Variants in CCDC171 observed in about 807,000 individuals in gnomAD.
The protein encoded by CCDC171 is coiled-coil domain-containing protein 171.
In CCDC171, 177 loss-of-function variants were observed where a neutral mutation model predicts 168.2. The ratio of observed to expected loss-of-function variants is 1.05; its 90% confidence interval spans 0.93 to 1.19. The LOEUF (loss-of-function observed/expected upper bound fraction) is 1.19, where lower values mean the gene tolerates loss of function less well. Among genes scored for constraint, CCDC171 ranks in the 50% most tolerant of loss-of-function variants. CCDC171 has a pLI of 0.00. For missense variants in CCDC171, 1,991 were observed against 1,539.0 expected (o/e 1.29, Z -4.91); for synonymous variants, 687 against 540.8 (o/e 1.27, Z -3.75).
intron 11 of CCDC171, 74 bp from the exon 12 acceptor site, chr9:15,721,695 C>G (rs1391576041): frequency 3.0e-6 from 2 of 664,638 alleles, no homozygotes; most frequent in Non-Finnish European, 4.9e-6. Context: ...ATTGTAGTAT[C>G]TCTGTTACTA....
rs1831528820 is a variant in CCDC171 at position 15,973,574 on chromosome 9, A to T, written c.*1738A>T. ...TATATGGAGTAAAATTATATCTTTAACCAAATTTCTCTTAATTCTTTCCTT... is the reference window on the plus strand; with the variant it reads ...TATATGGAGTAAAATTATATCTTTATCCAAATTTCTCTTAATTCTTTCCTT... On this transcript the variant is annotated 3_prime_UTR_variant, in exon 26 of 26. Transcript: ENST00000380701. 1 of 152,104 alleles carries T rather than the reference A, an allele frequency of 6.6e-6. No individual in the cohort carries two copies. Among genetic ancestry groups the T allele is most frequent in the South Asian group, 2.1e-4 (1 of 4,832 alleles). 9.4% of individuals were successfully genotyped at this position (152,104 alleles called of 1,614,324 possible).
chr9:15,899,875 G>GT (rs1821392953), intron 24 of CCDC171, among the ~76,000 whole-genome samples: 1 of 151,588 alleles, frequency 6.6e-6, no homozygotes, highest in Non-Finnish European at 1.5e-5. Flanking sequence ...TCAGTTTATT[G>GT]TTTTTTTCTT....
At chr9:15,921,828 C>G (rs534333428) in intron 25 of CCDC171, among the ~76,000 whole-genome samples, 6 of 151,426 alleles carry the variant, frequency 4.0e-5, no homozygotes, top group Admixed American at 2.0e-4. Context: ...TTTCTTCTTG[C>G]TATCTCTGAT....
intron 24 of CCDC171, among the ~76,000 whole-genome samples, chr9:15,912,004 T>C (rs1472690174): frequency 6.6e-6 from 1 of 152,230 alleles, no homozygotes; most frequent in Admixed American, 6.5e-5. Context: ...TTTGTTCTTT[T>C]TGCTTCAGAT....
chr9:15,906,559 C>G (rs1822646760), intron 24 of CCDC171, among the ~76,000 whole-genome samples: 2 of 152,258 alleles, frequency 1.3e-5, no homozygotes, highest in East Asian at 3.9e-4. Context: ...AACCCACAGC[C>G]AATATCATAC....
chr9:16,083,752 T>C, the CCDC171 span, among the ~76,000 whole-genome samples: 1 of 152,184 alleles, frequency 6.6e-6, no homozygotes, highest in Admixed American at 6.5e-5. Flanking sequence ...GCTCCCCTAA[T>C]GGAAGAGTTG....
chr9:15,571,221 G>C (rs950914931), intron 2 of CCDC171, among the ~76,000 whole-genome samples: 3 of 152,084 alleles, frequency 2.0e-5, no homozygotes, highest in Admixed American at 2.0e-4. Flanking sequence ...TTTTGGGAGA[G>C]AGTAGGGTGC....
At chr9:15,589,084 T>C (rs1179705662) in intron 4 of CCDC171, among the ~76,000 whole-genome samples, 1 of 152,118 alleles carries the variant, frequency 6.6e-6, no homozygotes, top group Admixed American at 6.5e-5. Flanking sequence ...CATGTGTTAC[T>C]ACTAGAATGT....
the CCDC171 span, among the ~76,000 whole-genome samples, chr9:16,092,997 G>C: frequency 6.6e-6 from 1 of 152,162 alleles, no homozygotes; most frequent in Non-Finnish European, 1.5e-5. Context: ...GGGCCCCTCT[G>C]GGGGACATGA....
chr9:15,813,469 A>G (rs779040818), intron 21 of CCDC171, among the ~76,000 whole-genome samples: 4 of 152,154 alleles, frequency 2.6e-5, no homozygotes, highest in African/African-American at 4.8e-5. Context: ...TTTTTTGGCT[A>G]TAGCATCTAA....
At chr9:16,043,172 A>G (rs4741560) in intron 1 of CCDC171, among the ~76,000 whole-genome samples, 62,241 of 152,028 alleles carry the variant, frequency 0.41, 14,264 homozygotes, top group East Asian at 0.74. Context: ...GGTTCTATAT[A>G]ATTGTTCACT....
intron 9 of CCDC171, among the ~76,000 whole-genome samples, chr9:15,677,270 A>G (rs879515302): frequency 1.8e-4 from 28 of 152,138 alleles, no homozygotes; most frequent in Admixed American, 1.2e-3. Flanking sequence ...ATTTACATAA[A>G]TGTAGCATCC....
chr9:16,042,987 CCTT>C (rs1158196152), intron 1 of CCDC171: 2 of 152,096 alleles, frequency 1.3e-5, no homozygotes, highest in Middle Eastern at 3.2e-3. Context: ...TTTAAAATCT[CCTT>C]CTAAAATATT....
intron 7 of CCDC171, among the ~76,000 whole-genome samples, chr9:15,631,589 G>A (rs1330331436): frequency 6.6e-6 from 1 of 152,150 alleles, no homozygotes; most frequent in Non-Finnish European, 1.5e-5. Flanking sequence ...TCTATCAGAG[G>A]TACAAGGAGG....
chr9:15,788,336 A>C (rs1433709746), intron 21 of CCDC171, among the ~76,000 whole-genome samples: 3 of 152,212 alleles, frequency 2.0e-5, no homozygotes, highest in Non-Finnish European at 4.4e-5. Flanking sequence ...ATTCTATTTG[A>C]AAAGCAAGTG....
chr9:15,971,912 T>A lies in CCDC171; in HGVS notation c.*76T>A. 2 of 1,290,148 alleles carry A rather than the reference T, an allele frequency of 1.6e-6. No individual in the cohort carries two copies. The highest frequency in any genetic ancestry group is 2.6e-5 in the South Asian group (2 of 78,186). The allele number at this position is 1,290,148 out of a possible 1,614,324, so 79.9% of individuals were successfully genotyped here. A position where few individuals can be genotyped will look rare whatever the true frequency, so the allele number is the denominator to read the frequency against. On this transcript the variant is annotated 3_prime_UTR_variant, in exon 26 of 26. Transcript: ENST00000380701. ...TTTTGAATGGGAATTTTCTTATCAG[T>A]TGACTTTTGTTTCAGCAGAAGTGGC...
chr9:15,783,859 T>G (rs1003626303), intron 20 of CCDC171, among the ~76,000 whole-genome samples: 4 of 152,186 alleles, frequency 2.6e-5, no homozygotes, highest in Non-Finnish European at 5.9e-5. Flanking sequence ...CAACAAATAT[T>G]GAACACTCAC....
intron 16 of CCDC171, among the ~76,000 whole-genome samples, chr9:15,731,008 G>C (rs889055437): frequency 6.6e-6 from 1 of 152,002 alleles, no homozygotes. Context: ...CATAGAATGT[G>C]TAATGCTCAA....
chr9:15,911,851 T>C (rs1390674531), intron 24 of CCDC171, among the ~76,000 whole-genome samples: 1 of 152,204 alleles, frequency 6.6e-6, no homozygotes, highest in Non-Finnish European at 1.5e-5. Context: ...AAAGATCAGA[T>C]GGTTGTAGAT....
Sources: gnomAD v4.1 joint callset for allele counts (sites outside exome capture counted in the v4.1 genomes callset) on GRCh38, gnomAD v4.1.1 for gene constraint, MANE v1.5 for transcripts, NCBI Gene and HGNC (gene_info 2026-07-23, HGNC 2026-07-21) for gene names.